Variants in THSD7B observed in about 807,000 individuals in gnomAD.
THSD7B encodes the protein thrombospondin type 1 domain containing 7B.
THSD7B carries 138 observed loss-of-function variants against 213.6 expected under a neutral mutation model. The observed-to-expected ratio is 0.65, with a 90% CI of 0.56 to 0.74. THSD7B has a LOEUF of 0.74. THSD7B is among the 30% of genes least tolerant of loss of function. The probability of loss-of-function intolerance (pLI) is 0.00; values close to 1 mark genes in which losing one functional copy is unlikely to be tolerated. For missense variants in THSD7B, 1,931 were observed against 1,991.5 expected (o/e 0.97, Z 0.58); for synonymous variants, 742 against 687.0 (o/e 1.08, Z -1.25).
intron 17 of THSD7B, among the ~76,000 whole-genome samples, chr2:137,582,022 G>C (rs990110096): frequency 3.3e-5 from 5 of 151,786 alleles, no homozygotes; most frequent in Non-Finnish European, 7.4e-5. Context: ...CTTGAGCCTG[G>C]GAGGCAGAGG....
At chr2:136,881,722 A>G (rs1053631784) in intron 1 of THSD7B, among the ~76,000 whole-genome samples, 1 of 152,128 alleles carries the variant, frequency 6.6e-6, no homozygotes, top group African/African-American at 2.4e-5. Context: ...TTTTCTTACC[A>G]AAAGTATAAA....
chr2:137,397,185 G>A (rs1299711953), intron 12 of THSD7B, among the ~76,000 whole-genome samples: 5 of 151,804 alleles, frequency 3.3e-5, no homozygotes, highest in South Asian at 2.1e-4. Context: ...ATATTGTTAT[G>A]TGTGAATTTG....
At chr2:137,105,898 A>G (rs1248847630) in intron 4 of THSD7B, among the ~76,000 whole-genome samples, 1 of 152,200 alleles carries the variant, frequency 6.6e-6, no homozygotes, top group South Asian at 2.1e-4. Flanking sequence ...ATAAGAGAGG[A>G]CACAAACAAA....
At chr2:137,565,734 T>A (rs529142237) in intron 16 of THSD7B, among the ~76,000 whole-genome samples, 1 of 152,248 alleles carries the variant, frequency 6.6e-6, no homozygotes, top group Admixed American at 6.5e-5. Context: ...GTGGAGGGCA[T>A]CACATGGAGA....
intron 2 of THSD7B, among the ~76,000 whole-genome samples, chr2:137,001,644 T>A (rs1342908478): frequency 1.3e-5 from 2 of 152,178 alleles, no homozygotes; most frequent in Non-Finnish European, 2.9e-5. Flanking sequence ...AGCCAAACTT[T>A]CTGGCCTGAT....
At chr2:137,649,225 T>G (rs1041845008) in intron 21 of THSD7B, among the ~76,000 whole-genome samples, 2 of 152,166 alleles carry the variant, frequency 1.3e-5, no homozygotes, top group African/African-American at 2.4e-5. Context: ...CTGTTGGTTG[T>G]CTCTTCACTT....
intron 15 of THSD7B, among the ~76,000 whole-genome samples, chr2:137,499,006 T>C (rs1679639606): frequency 6.6e-6 from 1 of 152,048 alleles, no homozygotes; most frequent in South Asian, 2.1e-4. Flanking sequence ...GGCAAGGAGG[T>C]ACAGGATCTC....
intron 1 of THSD7B, among the ~76,000 whole-genome samples, chr2:136,788,517 T>C (rs1205052503): frequency 6.6e-6 from 1 of 152,188 alleles, no homozygotes; most frequent in Non-Finnish European, 1.5e-5. Flanking sequence ...TATGTCTTAC[T>C]CAGCTCAGGA....
At chr2:137,329,207 A>G (rs1329308409) in intron 12 of THSD7B, among the ~76,000 whole-genome samples, 1 of 152,240 alleles carries the variant, frequency 6.6e-6, no homozygotes, top group Non-Finnish European at 1.5e-5. Flanking sequence ...AATAAAGTCC[A>G]GGCTGAGGTG....
chr2:137,183,533 G>A (rs1465517890), intron 7 of THSD7B, among the ~76,000 whole-genome samples: 1 of 152,098 alleles, frequency 6.6e-6, no homozygotes, highest in Non-Finnish European at 1.5e-5. Context: ...TGCAGGCATA[G>A]CCCACATTAT....
intron 16 of THSD7B, 39 bp downstream of exon 16, chr2:137,563,393 T>G (rs1558841059): frequency 1.2e-6 from 2 of 1,607,346 alleles, no homozygotes; most frequent in Admixed American, 1.7e-5. Flanking sequence ...TAGGGGGAAG[T>G]GGAACTTATA....
chr2:137,609,794 A>T (rs896557315), intron 17 of THSD7B, among the ~76,000 whole-genome samples: 6 of 152,260 alleles, frequency 3.9e-5, no homozygotes, highest in Non-Finnish European at 5.9e-5. Flanking sequence ...GAATGGGAAG[A>T]TTGGAGTCAC....
chr2:137,253,312 G>A (rs1265160849), intron 10 of THSD7B, among the ~76,000 whole-genome samples: 1 of 152,156 alleles, frequency 6.6e-6, no homozygotes, highest in African/African-American at 2.4e-5. Context: ...GCAAATGTAG[G>A]TTTAGTGTGT....
At chr2:136,948,757 A>G (rs1413440257) in intron 2 of THSD7B, among the ~76,000 whole-genome samples, 1 of 152,146 alleles carries the variant, frequency 6.6e-6, no homozygotes, top group African/African-American at 2.4e-5. Flanking sequence ...TGTTTTTCTT[A>G]TTTAATTCTC....
chr2:137,657,167 C>T lies in THSD7B; in HGVS notation c.4375+7C>T, dbSNP rs1257322162. On this transcript the variant is annotated splice_region_variant and intron_variant, in intron 24 of 27. Coordinates refer to ENST00000409968, the MANE Select transcript of THSD7B (RefSeq NM_001316349.2). ...GATGGCGTTAATGTCACAGGTATTC[C>T]TGCCTAAGACTCATGTGGGCACTTC... 1 of 1,613,316 alleles carries T rather than the reference C, an allele frequency of 6.2e-7. No homozygotes were observed. The highest frequency in any genetic ancestry group is 8.5e-7 in the Non-Finnish European group (1 of 1,179,530).
rs1484142085 is a variant in THSD7B at position 137,069,878 on chromosome 2, A to G, written c.950+12648A>G. On this transcript the variant is annotated intron_variant, in intron 3 of 27. Transcript: ENST00000409968. ...ATATATAACTATACATATAAAACATATATATAGCTATATATAACATATATA... is the reference window on the plus strand; with the variant it reads ...ATATATAACTATACATATAAAACATGTATATAGCTATATATAACATATATA... 2.7e-5 allele frequency among the ~76,000 whole-genome samples: 4 copies of G among 150,548 alleles called. No individual in the cohort carries two copies. In the East Asian group the frequency reaches 5.8e-4, roughly 22 times the overall value.
rs752527699 is a variant in THSD7B at position 137,056,838 on chromosome 2, A to T, written c.558A>T (p.Leu186Phe). 2.5e-6 allele frequency: 4 copies of T among 1,613,860 alleles called. No individual in the cohort carries two copies. Among genetic ancestry groups the T allele is most frequent in the Admixed American group, 1.7e-5 (1 of 60,010 alleles). Residue 186 changes from leucine to phenylalanine, a missense_variant, in exon 3 of 28, where the codon TTA becomes TTT. Leu to Phe is a conservative substitution (Grantham distance 22, BLOSUM62 0). Coordinates refer to ENST00000409968, the MANE Select transcript of THSD7B (RefSeq NM_001316349.2). ...CPRDCVVSEF[L>F]PWSNCSKGCG... ...GGGATTGTGTAGTATCTGAGTTCTT[A>T]CCATGGTCCAACTGTAGCAAGGGAT...
chr2:137,342,331 C>T (rs1454637213), intron 12 of THSD7B, among the ~76,000 whole-genome samples: 1 of 151,056 alleles, frequency 6.6e-6, no homozygotes, highest in Non-Finnish European at 1.5e-5. Flanking sequence ...AGAAACACTA[C>T]TGACTTTTTG....
chr2:137,674,861 G>T (rs1683661650), intron 27 of THSD7B, among the ~76,000 whole-genome samples: 1 of 152,034 alleles, frequency 6.6e-6, no homozygotes, highest in Admixed American at 6.5e-5. Flanking sequence ...GTTCCTTTTA[G>T]GGTTTCTGCC....
Sources: allele counts gnomAD v4.1 joint callset (sites outside exome capture counted in the v4.1 genomes callset), GRCh38; gene constraint gnomAD v4.1.1; transcripts MANE v1.5; gene names NCBI Gene and HGNC (gene_info 2026-07-23, HGNC 2026-07-21).